ACTR3B: variants seen among roughly 807,000 people sequenced by gnomAD.
ACTR3B encodes the protein actin-related protein 3B.
In ACTR3B, 8 loss-of-function variants were observed where a neutral mutation model predicts 59.0. The ratio of observed to expected loss-of-function variants is 0.14; its 90% CI spans 0.08 to 0.24. The LOEUF is 0.24. ACTR3B is among the 10% of genes least tolerant of loss of function. ACTR3B has a pLI of 1.00. For missense variants in ACTR3B, 245 were observed against 552.3 expected (o/e 0.44, Z 5.58); for synonymous variants, 148 against 197.9 (o/e 0.75, Z 2.12).
rs540867694 is a variant in ACTR3B at position 152,809,785 on chromosome 7, C to T, written c.337-4765C>T. Among the ~76,000 whole-genome samples the T allele has an allele frequency of 2.8e-3, 427 of 152,244 alleles. 3 individuals carry two copies. The highest frequency in any genetic ancestry group is 9.8e-3 in the African/African-American group (408 of 41,552). ...CTCAAACTCCTGACCTCATGATCCG[C>T]CCACCTCAGCCTCCTAAAGTGTTGG... On this transcript the variant is annotated intron_variant, in intron 4 of 11. Coordinates refer to ENST00000256001, the MANE Select transcript of ACTR3B (RefSeq NM_020445.6).
Position 152,829,801 on chromosome 7 carries a change from G to A in ACTR3B, c.951+4679G>A, listed in dbSNP as rs1250739762. On this transcript the variant is annotated intron_variant, in intron 9 of 11. Transcript: ENST00000256001. ...CCAGCCCACTCTTGGATCAGCCAGC[G>A]TTTAGTAACTTGCACGCTTTACTTG... Among the ~76,000 whole-genome samples the A allele has an allele frequency of 6.6e-5, 10 of 152,186 alleles. No individual in the cohort carries two copies. In the East Asian group the frequency reaches 1.3e-3, roughly 21 times the overall value.
chr7:152,806,947 T>C (rs1172509726), intron 4 of ACTR3B, among the ~76,000 whole-genome samples: 1 of 152,230 alleles, frequency 6.6e-6, no homozygotes, highest in African/African-American at 2.4e-5. Flanking sequence ...GAGATTCAGC[T>C]GCTTTCACAA....
intron 3 of ACTR3B, 93 bp from the exon 4 acceptor site, chr7:152,801,528 T>C: frequency 6.5e-7 from 1 of 1,544,260 alleles, no homozygotes; most frequent in Non-Finnish European, 8.8e-7. Flanking sequence ...ATACCTTTAT[T>C]CTTAATAACA....
intron 4 of ACTR3B, among the ~76,000 whole-genome samples, chr7:152,807,234 T>C (rs1186330352): frequency 6.6e-6 from 1 of 152,246 alleles, no homozygotes; most frequent in East Asian, 1.9e-4. Context: ...ATTTGGAAGA[T>C]ATCTATGGGA....
At chr7:152,849,055 AG>A (rs1798589606) in intron 9 of ACTR3B, among the ~76,000 whole-genome samples, 2 of 152,212 alleles carry the variant, frequency 1.3e-5, no homozygotes, top group African/African-American at 4.8e-5. Flanking sequence ...GAGGGGCGTC[AG>A]GGGGCTGCCT....
In ACTR3B at chr7:152,782,705, T is replaced by C. The variant is rs201860998; in HGVS notation, c.45-482T>C. ...GTTCAGGAAGTTTGTATAAAAGTTC[T>C]AGGAAGTAAGTACACTTCTTAGAGA... On this transcript the variant is annotated intron_variant, in intron 1 of 11. Transcript: ENST00000256001. Among the ~76,000 whole-genome samples the C allele has an allele frequency of 8.8e-3, 1,334 of 151,590 alleles. 12 individuals carry two copies. The highest frequency in any genetic ancestry group is 0.032 in the East Asian group (162 of 5,100).
chr7:152,783,710 G>A (rs2098162292), intron 2 of ACTR3B, among the ~76,000 whole-genome samples: 1 of 152,008 alleles, frequency 6.6e-6, no homozygotes, highest in Non-Finnish European at 1.5e-5. Flanking sequence ...GAGAATAACA[G>A]AAGTGTCCTT....
At chr7:152,804,778 C>T (rs1046391329) in intron 4 of ACTR3B, among the ~76,000 whole-genome samples, 4 of 152,180 alleles carry the variant, frequency 2.6e-5, no homozygotes, top group African/African-American at 9.7e-5. Flanking sequence ...GGGTGGTTGA[C>T]TTACATTTAG....
chr7:152,853,180 TA>T (rs879307635), intron 10 of ACTR3B, among the ~76,000 whole-genome samples: 633 of 144,110 alleles, frequency 4.4e-3, no homozygotes, highest in Non-Finnish European at 4.0e-3. Context: ...TATGTTAGGT[TA>T]AAAAAAAAAA....
chr7:152,799,534 T>A (rs4726206), intron 2 of ACTR3B, among the ~76,000 whole-genome samples: 123,202 of 152,268 alleles, frequency 0.81, 50,176 homozygotes, highest in African/African-American at 0.89. Context: ...AGTTATTGAC[T>A]TCAGAGCCTC....
intron 1 of ACTR3B, among the ~76,000 whole-genome samples, chr7:152,775,237 G>A (rs1441013041): frequency 1.5e-5 from 2 of 137,666 alleles, no homozygotes; most frequent in African/African-American, 2.7e-5. Context: ...ACTGTTTTAA[G>A]ATGTAACATT....
chr7:152,789,037 A>G (rs2098184716), intron 2 of ACTR3B, among the ~76,000 whole-genome samples: 2 of 105,200 alleles, frequency 1.9e-5, no homozygotes, highest in South Asian at 7.1e-4. Flanking sequence ...AACAACAACA[A>G]CAACAACAAC....
At chr7:152,783,829 C>G (rs2098162738) in intron 2 of ACTR3B, among the ~76,000 whole-genome samples, 1 of 151,850 alleles carries the variant, frequency 6.6e-6, no homozygotes, top group South Asian at 2.1e-4. Flanking sequence ...GTGGCTCACG[C>G]ATGTAATCGC....
intron 9 of ACTR3B, among the ~76,000 whole-genome samples, chr7:152,832,007 C>A (rs1053044116): frequency 6.6e-6 from 1 of 152,090 alleles, no homozygotes; most frequent in African/African-American, 2.4e-5. Context: ...TTGGGCTGCA[C>A]CAGGGGATGT....
intron 9 of ACTR3B, among the ~76,000 whole-genome samples, chr7:152,830,395 G>A (rs1796932293): frequency 6.6e-6 from 1 of 152,246 alleles, no homozygotes; most frequent in African/African-American, 2.4e-5. Context: ...AACTCTTCAT[G>A]AAGTTTGTGA....
chr7:152,852,193 A>G lies in ACTR3B; in HGVS notation c.1019A>G (p.Lys340Arg), dbSNP rs1176228421. 6.2e-6 allele frequency: 10 copies of G among 1,613,524 alleles called. No individual in the cohort carries two copies. The highest frequency in any genetic ancestry group is 1.7e-5 in the Admixed American group (1 of 60,002). The change falls in exon 10 of 12, where the codon AAG becomes AGG. Residue 340 changes from lysine to arginine, a missense_variant. Lys to Arg is a conservative substitution (Grantham distance 26, BLOSUM62 2). This residue lies in a region of ACTR3B where 153 missense variants were observed against 266.2 expected (regional missense o/e 0.57). Coordinates refer to ENST00000256001, the MANE Select transcript of ACTR3B (RefSeq NM_020445.6). ...DFGRRLQRDL[K>R]RVVDARLRLS... ...GGACGCCGACTGCAGAGGGATTTGA[A>G]GAGAGTGGTGGATGCTAGGCTGAGG...
In ACTR3B at chr7:152,852,236, C is replaced by T. The variant is rs139229319; in HGVS notation, c.1062C>T (p.Ser354=). The T allele has an allele frequency of 8.0e-5, 127 of 1,592,382 alleles. No individual in the cohort carries two copies. Among genetic ancestry groups the T allele is most frequent in the Non-Finnish European group, 9.9e-5 (116 of 1,167,762 alleles). The change falls in exon 10 of 12, where the codon AGC becomes AGT. Residue 354 remains serine (S), a synonymous_variant. Coordinates refer to ENST00000256001, the MANE Select transcript of ACTR3B (RefSeq NM_020445.6). ...GGCTGAGGCTCAGCGAGGAGCTCAG[C>T]GGCGGGAGGATCAAGGTAGGAGCCA... is the stretch of plus-strand genomic sequence containing the variant. The part of the protein sequence containing the change: ...DARLRLSEEL[S]GGRIKPKPVE...
chr7:152,772,446 A>T (rs2098126291), intron 1 of ACTR3B, among the ~76,000 whole-genome samples: 1 of 152,180 alleles, frequency 6.6e-6, no homozygotes. Flanking sequence ...GATGGTGTGG[A>T]TCTAAGAGTT....
intron 6 of ACTR3B, among the ~76,000 whole-genome samples, chr7:152,819,975 T>C (rs912471016): frequency 2.0e-4 from 30 of 152,258 alleles, no homozygotes; most frequent in African/African-American, 7.2e-4. Flanking sequence ...TTGGGTTTAG[T>C]GTTCTTACAG....
Sources: allele counts gnomAD v4.1 joint callset (sites outside exome capture counted in the v4.1 genomes callset), GRCh38; gene constraint gnomAD v4.1.1; regional missense constraint gnomAD v4.1.1; transcripts MANE v1.5; gene names NCBI Gene and HGNC (gene_info 2026-07-23, HGNC 2026-07-21).